Variants in CEP126 observed in about 807,000 individuals in gnomAD.
CEP126 encodes centrosomal protein 126.
Under a neutral mutation model 107.8 loss-of-function variants are expected in CEP126, and 74 were observed. The observed-to-expected ratio is 0.69, with a 90% CI of 0.57 to 0.83. The LOEUF (loss-of-function observed/expected upper bound fraction) is 0.83. CEP126 is among the 40% of genes least tolerant of loss of function. The pLI is 0.00. For missense variants in CEP126, 1,237 were observed against 1,281.9 expected, an observed-to-expected ratio of 0.96 and a Z score of 0.53; for synonymous variants, 449 against 446.0, an observed-to-expected ratio of 1.01 and a Z score of -0.08.
intron 8 of CEP126, 132 bp from the exon 9 acceptor site, chr11:101,986,700 A>G (rs1386382549): frequency 6.7e-6 from 4 of 593,192 alleles, no homozygotes; most frequent in East Asian, 2.7e-5. Flanking sequence ...AGTAGCAGAT[A>G]TTTGCTAGGT....
At chr11:101,929,571 T>G (rs1591270331) in intron 2 of CEP126, among the ~76,000 whole-genome samples, 1 of 152,284 alleles carries the variant, frequency 6.6e-6, no homozygotes, top group Non-Finnish European at 1.5e-5. Context: ...TGGATGGTAG[T>G]GAAAGTCATA....
At chr11:101,990,224 A>G (rs1335780335) in intron 9 of CEP126, among the ~76,000 whole-genome samples, 1 of 152,152 alleles carries the variant, frequency 6.6e-6, no homozygotes, top group East Asian at 1.9e-4. Flanking sequence ...CATGAGGCAA[A>G]TAGGAGGCAG....
chr11:101,962,186 A>G lies in CEP126; in HGVS notation c.1151A>G (p.Glu384Gly). ...PPMFVLDKKC[E>G]KTSETSTMRT... ...ATGTTTGTACTAGATAAAAAATGTG[A>G]AAAGACCTCTGAAACTAGCACTATG... Residue 384 changes from glutamate (E) to glycine (G), a missense_variant, in exon 6 of 11, where the codon GAA (glutamate) becomes GGA (glycine). Glu to Gly is a moderately conservative substitution (Grantham distance 98). Around this residue, in one of 3 missense-constraint regions of CEP126, gnomAD observed 1,134 missense variants for 1,150.5 expected, o/e 0.99. Transcript: ENST00000263468. 1 of 1,613,832 alleles carries G rather than the reference A, an allele frequency of 6.2e-7. No homozygotes were observed. Among genetic ancestry groups the G allele is most frequent in the Non-Finnish European group, 8.5e-7 (1 of 1,179,818 alleles).
intron 3 of CEP126, among the ~76,000 whole-genome samples, chr11:101,947,558 C>T (rs759707627): frequency 1.3e-5 from 2 of 152,046 alleles, no homozygotes; most frequent in Non-Finnish European, 2.9e-5. Flanking sequence ...CTTCTCTATG[C>T]CTTAGTTTCC....
intron 4 of CEP126, chr11:101,955,663 T>G: frequency 2.8e-6 from 1 of 355,210 alleles, no homozygotes; most frequent in South Asian, 2.1e-5. Flanking sequence ...AGGATGATCA[T>G]ACATGGACCC....
chr11:101,930,469 G>A lies in CEP126; in HGVS notation c.248+7709G>A, dbSNP rs147252353. On this transcript the variant is annotated intron_variant, in intron 2 of 10. Transcript: ENST00000263468. ...TTCAGGAGTGAAGCCGCAGACCCTC[G>A]CGGTGAGTGTTACAGCTCTTAAAGG... 3.5e-3 allele frequency among the ~76,000 whole-genome samples: 535 copies of A among 152,238 alleles called. 3 individuals are homozygous for A. Among genetic ancestry groups the A allele is most frequent in the African/African-American group, 0.012 (508 of 41,522 alleles).
chr11:101,970,009 C>G, intron 6 of CEP126, among the ~76,000 whole-genome samples: 1 of 152,132 alleles, frequency 6.6e-6, no homozygotes, highest in East Asian at 1.9e-4. Context: ...TTAGGATGGA[C>G]AGCAATTTCT....
At chr11:101,920,173 T>G (rs1055501593) in intron 1 of CEP126, among the ~76,000 whole-genome samples, 16 of 152,122 alleles carry the variant, frequency 1.1e-4, no homozygotes, top group Admixed American at 6.5e-5. Context: ...GATGGTTAAA[T>G]AGCAACACAA....
In CEP126 at chr11:101,964,604, A is replaced by C. The variant is rs11225092; in HGVS notation, c.2845+724A>C. ...GTGAGCCAAGGTGGTGCACCACTGC[A>C]CTCCAGCCTGGGCAACAGAGCCAGA... is the stretch of plus-strand genomic sequence containing the variant. On this transcript the variant is annotated intron_variant, in intron 6 of 10. Transcript: ENST00000263468. Among the ~76,000 whole-genome samples the C allele has an allele frequency of 9.0e-4, 136 of 151,384 alleles. No individual in the cohort carries two copies. The East Asian group carries it at 0.022, about 25-fold the overall frequency.
intron 4 of CEP126, among the ~76,000 whole-genome samples, chr11:101,954,140 G>T (rs1244335668): frequency 6.6e-6 from 1 of 152,030 alleles, no homozygotes; most frequent in Non-Finnish European, 1.5e-5. Flanking sequence ...CAATTCTCCT[G>T]CCTCAGCCTC....
At chr11:101,965,349 T>G (rs895342622) in intron 6 of CEP126, among the ~76,000 whole-genome samples, 3 of 152,010 alleles carry the variant, frequency 2.0e-5, no homozygotes, top group African/African-American at 7.2e-5. Flanking sequence ...AAACCATGAG[T>G]TTTTAAGGCC....
chr11:101,956,929 A>C (rs1191456685), intron 4 of CEP126: 1 of 348,580 alleles, frequency 2.9e-6, no homozygotes, highest in Non-Finnish European at 5.6e-6. Flanking sequence ...AAGTTGAGAC[A>C]CGACAACTTT....
intron 2 of CEP126, among the ~76,000 whole-genome samples, chr11:101,939,900 T>C (rs776757917): frequency 1.3e-5 from 2 of 152,310 alleles, no homozygotes; most frequent in East Asian, 3.9e-4. Context: ...TCAGCCATAT[T>C]AAAGGACAGA....
rs145883044 is a variant in CEP126 at position 101,981,899 on chromosome 11, A to T, written c.2969A>T (p.Gln990Leu). 6 of 1,580,326 alleles carry T rather than the reference A, an allele frequency of 3.8e-6. No individual in the cohort carries two copies. The South Asian group carries it at 5.8e-5, about 15-fold the overall frequency. The stretch of plus-strand genomic sequence containing the variant: ...ATTCTATTTTTGTAGAATTTTGGAC[A>T]AAGTGTCCTGCTAAGTTCAAGTGAG... ...KYSEQINNFG[Q>L]SVLLSSSEPK... Residue 990 changes from glutamine to leucine, a missense_variant, in exon 8 of 11, where the codon CAA becomes CTA. This residue lies in a region of CEP126 where 1,134 missense variants were observed against 1,150.5 expected (regional missense o/e 0.99). Coordinates refer to ENST00000263468, the MANE Select transcript of CEP126 (RefSeq NM_020802.4).
chr11:101,962,992 A>C lies in CEP126; in HGVS notation c.1957A>C (p.Thr653Pro). ...AENSHSLKNKTGTTQQHSQQF... is the reference protein window; with the variant it reads ...AENSHSLKNKPGTTQQHSQQF... ...AAACAGTCATTCACTGAAGAATAAAACAGGAACAACTCAACAGCATTCTCA... is the reference window on the plus strand; with the variant it reads ...AAACAGTCATTCACTGAAGAATAAACCAGGAACAACTCAACAGCATTCTCA... The change falls in exon 6 of 11, where the codon ACA (threonine) becomes CCA (proline). Residue 653 changes from threonine (T) to proline (P), a missense_variant. Transcript: ENST00000263468. The C allele has an allele frequency of 1.2e-6, 2 of 1,613,536 alleles. No homozygotes were observed. Among genetic ancestry groups the C allele is most frequent in the Non-Finnish European group, 1.7e-6 (2 of 1,179,860 alleles).
intron 1 of CEP126, among the ~76,000 whole-genome samples, chr11:101,920,679 C>T (rs1940312989): frequency 6.6e-6 from 1 of 151,408 alleles, no homozygotes; most frequent in East Asian, 1.9e-4. Flanking sequence ...TCTTAGCTCA[C>T]TGCAGACTCA....
intron 2 of CEP126, among the ~76,000 whole-genome samples, chr11:101,932,038 G>A (rs1303010177): frequency 2.0e-5 from 3 of 152,152 alleles, no homozygotes; most frequent in South Asian, 2.1e-4. Context: ...TTTCTTCTGC[G>A]AAAAAGACTA....
At position 101,956,734 on chromosome 11, in the gene CEP126, A is replaced by G. The variant is rs1301408846; in HGVS notation, c.507-1434A>G. 3 of 454,974 alleles carry G rather than the reference A, an allele frequency of 6.6e-6. No homozygotes were observed. In the East Asian group the frequency reaches 2.1e-4, roughly 32 times the overall value. 28.2% of individuals were successfully genotyped at this position (454,974 alleles called of 1,614,324 possible). A position where few individuals can be genotyped will look rare whatever the true frequency, so the allele number is the denominator to read the frequency against. ...CAACTTATTTAGCTTTTCCCTCTCC[A>G]GTTTCTCCTGTTTCTTCTTCCTTTA... is the stretch of plus-strand genomic sequence containing the variant. On this transcript the variant is annotated intron_variant, in intron 4 of 10. Transcript: ENST00000263468.
At chr11:101,926,334 GA>G (rs879864474) in intron 2 of CEP126, among the ~76,000 whole-genome samples, 11 of 152,198 alleles carry the variant, frequency 7.2e-5, no homozygotes, top group Non-Finnish European at 1.3e-4. Context: ...AACAATATGT[GA>G]AAAAGCCTAA....
Sources: gnomAD v4.1 joint callset for allele counts (sites outside exome capture counted in the v4.1 genomes callset) on GRCh38, gnomAD v4.1.1 for gene constraint, gnomAD v4.1.1 regional missense constraint, MANE v1.5 for transcripts, NCBI Gene and HGNC (gene_info 2026-07-23, HGNC 2026-07-21) for gene names.